The following LINGO1 variants were observed in gnomAD, a reference collection of about 807,000 sequenced individuals.
LINGO1 encodes the protein leucine rich repeat and Ig domain containing 1, also known as leucine-rich repeat and immunoglobulin-like domain-containing nogo receptor-interacting protein 1.
Under a neutral mutation model 37.3 loss-of-function variants are expected in LINGO1, and 11 were observed. That is an observed-to-expected ratio of 0.29 (90% CI 0.19 to 0.49). The LOEUF (loss-of-function observed/expected upper bound fraction) is 0.49, where lower values mean the gene tolerates loss of function less well. Among genes scored for constraint, LINGO1 ranks in the 20% least tolerant of loss-of-function variants. The pLI, the probability that LINGO1 is intolerant of heterozygous loss-of-function variation, is 0.99. For synonymous variants in LINGO1, 387 were observed against 403.0 expected (o/e 0.96, Z 0.48); for missense variants, 585 against 878.2 (o/e 0.67, Z 4.22).
intron 1 of LINGO1, among the ~76,000 whole-genome samples, chr15:77,739,276 C>G (rs561336647): frequency 7.8e-4 from 118 of 152,220 alleles, no homozygotes; most frequent in Non-Finnish European, 1.4e-3. Context: ...TCCCTTCCCC[C>G]CTTGGAGCTG....
intron 2 of LINGO1, among the ~76,000 whole-genome samples, chr15:77,720,090 A>ACAC (rs1253950230): frequency 6.7e-6 from 1 of 149,374 alleles, no homozygotes; most frequent in Non-Finnish European, 1.5e-5. Flanking sequence ...TCTAGCACAC[A>ACAC]CACCACCACC....
intron 3 of LINGO1, chr15:77,651,300 G>C (rs2074753554): frequency 6.6e-6 from 1 of 152,246 alleles, no homozygotes; most frequent in Non-Finnish European, 1.5e-5. Flanking sequence ...GAAGCTCTAA[G>C]GAGGCGTTAA....
intron 2 of LINGO1, among the ~76,000 whole-genome samples, chr15:77,678,134 T>G (rs539354461): frequency 1.3e-4 from 20 of 152,376 alleles, no homozygotes; most frequent in Non-Finnish European, 2.9e-4. Context: ...TTATTTGGTT[T>G]TCCTTGTTTC....
At chr15:77,717,080 TC>T (rs2075993362) in intron 2 of LINGO1, among the ~76,000 whole-genome samples, 1 of 106,286 alleles carries the variant, frequency 9.4e-6, no homozygotes, top group East Asian at 3.0e-4. Flanking sequence ...CGCGGGGTGC[TC>T]AAGCTCAGCA....
intron 1 of LINGO1, among the ~76,000 whole-genome samples, chr15:77,776,557 G>GAAGGCAGGAAGGCAGGAA (rs1567577951): frequency 6.7e-6 from 1 of 150,072 alleles, no homozygotes; most frequent in East Asian, 2.0e-4. Flanking sequence ...AGGGAGGGAG[G>GAAGGCAGGAAGGCAGGAA]GAGCTGACTC....
At chr15:77,636,997 A>G (rs1486669323), upstream of LINGO1, among the ~76,000 whole-genome samples, 2 of 152,208 alleles carry the variant, frequency 1.3e-5, no homozygotes, top group African/African-American at 4.8e-5. Context: ...GGCTCGGTAT[A>G]GAGCCTTCCT....
chr15:77,796,327 C>A (rs957694463), intron 1 of LINGO1, among the ~76,000 whole-genome samples: 5 of 152,222 alleles, frequency 3.3e-5, no homozygotes, highest in African/African-American at 1.2e-4. Context: ...CACACACACT[C>A]ATGGCACTAG....
intron 1 of LINGO1, among the ~76,000 whole-genome samples, chr15:77,631,592 G>C (rs974482815): frequency 2.6e-5 from 4 of 152,092 alleles, no homozygotes; most frequent in Non-Finnish European, 5.9e-5. Context: ...GGGAGCAGGA[G>C]GCTCCCTCCT....
At chr15:77,713,357 C>T (rs1371480099) in intron 2 of LINGO1, among the ~76,000 whole-genome samples, 3 of 151,740 alleles carry the variant, frequency 2.0e-5, no homozygotes, top group African/African-American at 4.8e-5. Flanking sequence ...GGATTACAAG[C>T]GTGAGCCACT....
intron 1 of LINGO1, among the ~76,000 whole-genome samples, chr15:77,630,361 G>A (rs1347925731): frequency 6.6e-6 from 1 of 152,166 alleles, no homozygotes; most frequent in Non-Finnish European, 1.5e-5. Context: ...CCACACATGA[G>A]CCCTCACCGG....
chr15:77,713,407 G>T (rs1027384850), intron 2 of LINGO1, among the ~76,000 whole-genome samples: 20 of 151,944 alleles, frequency 1.3e-4, no homozygotes, highest in African/African-American at 4.8e-4. Context: ...ATCAATCTCA[G>T]AAGGTGATAT....
intron 2 of LINGO1, among the ~76,000 whole-genome samples, chr15:77,729,348 G>C (rs2076132980): frequency 6.6e-6 from 1 of 152,226 alleles, no homozygotes; most frequent in Non-Finnish European, 1.5e-5. Flanking sequence ...GAGACACTGA[G>C]GGTCCTTGAG....
intron 2 of LINGO1, among the ~76,000 whole-genome samples, chr15:77,794,347 TATAC>T (rs2076844674): frequency 8.6e-6 from 1 of 115,948 alleles, no homozygotes; most frequent in Admixed American, 8.7e-5. Context: ...TACATACATA[TATAC>T]GTATATATGT....
chr15:77,736,200 C>A (rs768888740), intron 1 of LINGO1, among the ~76,000 whole-genome samples: 4 of 152,168 alleles, frequency 2.6e-5, no homozygotes, highest in Non-Finnish European at 5.9e-5. Context: ...TGCAATCCTA[C>A]CTGAAGGGGT....
At chr15:77,820,301 C>T (rs1408343797) in exon 1 of LINGO1, 12 of 152,296 alleles carry the variant, frequency 7.9e-5, no homozygotes, top group Admixed American at 7.2e-4. Context: ...GAAGGGACCT[C>T]GCTGCGCGGG....
chr15:77,621,819 C>T (rs1180471679), intron 1 of LINGO1, among the ~76,000 whole-genome samples: 1 of 152,258 alleles, frequency 6.6e-6, no homozygotes, highest in Non-Finnish European at 1.5e-5. Flanking sequence ...GGCTGAAGCA[C>T]AGGATGGCAA....
rs149409690 is a variant in LINGO1 at position 77,672,367 on chromosome 15, G to A, written c.-13+4722C>T. Among the ~76,000 whole-genome samples the A allele has an allele frequency of 2.6e-5, 4 of 152,292 alleles. No homozygotes were observed. The East Asian group carries it at 5.8e-4, about 22-fold the overall frequency. ...TGGCTGTCAGCTAATGCCTGCAGAG[G>A]TGTTAACTGATAATTAAGATGTTAG... On this transcript the variant is annotated intron_variant, in intron 3 of 3. Transcript: ENST00000559893.
intron 3 of LINGO1, among the ~76,000 whole-genome samples, chr15:77,672,861 T>C (rs2075273807): frequency 6.6e-6 from 1 of 152,152 alleles, no homozygotes; most frequent in South Asian, 2.1e-4. Context: ...TCCTTCCCCC[T>C]CCTCACACCA....
intron 1 of LINGO1, among the ~76,000 whole-genome samples, chr15:77,739,675 G>C (rs1321029730): frequency 6.6e-6 from 1 of 152,246 alleles, no homozygotes; most frequent in African/African-American, 2.4e-5. Context: ...GCCAGCCTGG[G>C]GGTGACAAGT....
Sources: allele counts gnomAD v4.1 joint callset (sites outside exome capture counted in the v4.1 genomes callset), GRCh38; gene constraint gnomAD v4.1.1; transcripts MANE v1.5; gene names NCBI Gene and HGNC (gene_info 2026-07-23, HGNC 2026-07-21).